Variants in RAP1GAP2 observed in about 807,000 individuals in gnomAD.
The protein encoded by RAP1GAP2 is RAP1 GTPase activating protein 2, also known as rap1 GTPase-activating protein 2.
RAP1GAP2 carries 27 observed loss-of-function variants against 95.0 expected under a neutral mutation model. The ratio of observed to expected loss-of-function variants is 0.28; its 90% CI spans 0.21 to 0.39. The LOEUF is 0.39. Ranked by LOEUF, RAP1GAP2 falls within the 10% of genes least tolerant of loss-of-function variation. The probability of loss-of-function intolerance (pLI) is 1.00; values close to 1 mark genes in which losing one functional copy is unlikely to be tolerated. For synonymous variants in RAP1GAP2, 373 were observed against 380.9 expected, an observed-to-expected ratio of 0.98 and a Z score of 0.24; for missense variants, 771 against 970.0, an observed-to-expected ratio of 0.79 and a Z score of 2.72.
rs1386163988 is a variant in RAP1GAP2 at position 2,866,648 on chromosome 17, G to A, written c.81-38636G>A. Among the ~76,000 whole-genome samples, 2 of 152,086 alleles carry A rather than the reference G, an allele frequency of 1.3e-5. No individual in the cohort carries two copies. Among genetic ancestry groups the A allele is most frequent in the Admixed American group, 1.3e-4 (2 of 15,252 alleles). ...CAGCATCTCCCTCTGTCGCCAGGCT[G>A]GAGTGCAGTGGTGCGATCTCGGCTC... On this transcript the variant is annotated intron_variant, in intron 2 of 24. Coordinates refer to ENST00000254695, the MANE Select transcript of RAP1GAP2 (RefSeq NM_015085.5). The surrounding 1 kb of genome is among the most constrained non-coding windows in gnomAD (Gnocchi z 4.0).
chr17:2,815,073 C>T (rs1031133135), intron 2 of RAP1GAP2, among the ~76,000 whole-genome samples: 7 of 152,156 alleles, frequency 4.6e-5, no homozygotes, highest in East Asian at 1.9e-4. Flanking sequence ...CCTAGGGGAC[C>T]TCGTTAAAAT....
intron 2 of RAP1GAP2, among the ~76,000 whole-genome samples, chr17:2,889,889 A>ATATATTTTTT (rs1408426152): frequency 0.019 from 1,064 of 56,890 alleles, 27 homozygotes; most frequent in East Asian, 0.032. Context: ...ATATATATAT[A>ATATATTTTTT]TTTTTTTTTT....
intron 1 of RAP1GAP2, chr17:2,800,136 C>T (rs758797844): frequency 9.6e-5 from 93 of 970,252 alleles, no homozygotes; most frequent in Admixed American, 1.9e-4. Flanking sequence ...CCCCTGAAGC[C>T]GGGTTGCTGG....
intron 2 of RAP1GAP2, among the ~76,000 whole-genome samples, chr17:2,859,992 C>T (rs921934047): frequency 1.3e-5 from 2 of 150,656 alleles, no homozygotes; most frequent in Admixed American, 6.6e-5. Context: ...CTTTTTGCGA[C>T]GTTAGTCATT....
At chr17:2,921,882 C>T (rs997062390) in intron 3 of RAP1GAP2, among the ~76,000 whole-genome samples, 5 of 152,230 alleles carry the variant, frequency 3.3e-5, no homozygotes, top group Non-Finnish European at 7.3e-5. Context: ...GTCTTCTTCA[C>T]ATGTCTCCCT....
intron 2 of RAP1GAP2, among the ~76,000 whole-genome samples, chr17:2,853,574 A>G (rs1260287679): frequency 6.7e-6 from 1 of 148,260 alleles, no homozygotes; most frequent in Non-Finnish European, 1.5e-5. Context: ...GGGTCCCGGG[A>G]GCGCTGTCCG....
chr17:2,802,543 C>G (rs1406648740), intron 2 of RAP1GAP2, among the ~76,000 whole-genome samples: 1 of 152,106 alleles, frequency 6.6e-6, no homozygotes, highest in African/African-American at 2.4e-5. Context: ...AACCCTATCT[C>G]TGCTAAAAAT....
intron 3 of RAP1GAP2, among the ~76,000 whole-genome samples, chr17:2,950,365 A>T (rs983315001): frequency 3.9e-5 from 6 of 152,032 alleles, no homozygotes; most frequent in Admixed American, 3.9e-4. Flanking sequence ...CTCATTTCTA[A>T]CAGTCTTCTA....
chr17:2,823,558 C>T lies in RAP1GAP2; in HGVS notation c.80+23008C>T, dbSNP rs191066875. On this transcript the variant is annotated intron_variant, in intron 2 of 24. Transcript: ENST00000254695. The stretch of plus-strand genomic sequence containing the variant: ...TCTCTGCAGTGGAGGTGGTCCTGGA[C>T]GCATGGCGTAACGTGGGCTCTCTGG... Among the ~76,000 whole-genome samples, 171 of 152,312 alleles carry T rather than the reference C, an allele frequency of 1.1e-3. 5 individuals are homozygous for T. The East Asian group carries it at 0.024, about 21-fold the overall frequency.
At chr17:2,882,338 G>C (rs6502605) in intron 2 of RAP1GAP2, among the ~76,000 whole-genome samples, 109,714 of 148,886 alleles carry the variant, frequency 0.74, 41,038 homozygotes, top group Non-Finnish European at 0.79. Context: ...GTCCCCCAGG[G>C]TGGAGTGCAG....
chr17:2,895,867 C>T (rs114474595), intron 2 of RAP1GAP2, among the ~76,000 whole-genome samples: 3,523 of 152,206 alleles, frequency 0.023, 96 homozygotes, highest in African/African-American at 0.065. Context: ...TGTGAGCCAC[C>T]GCGCCCGGCC....
chr17:2,918,471 C>CA (rs1312705996), intron 3 of RAP1GAP2, among the ~76,000 whole-genome samples: 2 of 150,888 alleles, frequency 1.3e-5, no homozygotes, highest in African/African-American at 4.9e-5. Flanking sequence ...TTAACTGGCT[C>CA]ACAGTTCTGT....
chr17:2,755,724 G>C (rs2071126266), exon 1 of RAP1GAP2: 1 of 337,048 alleles, frequency 3.0e-6, no homozygotes, highest in South Asian at 1.4e-4. Context: ...AGGCATGGCG[G>C]GCCGCCGGGC....
At chr17:2,798,880 G>A (rs565253029) in intron 1 of RAP1GAP2, among the ~76,000 whole-genome samples, 24 of 152,282 alleles carry the variant, frequency 1.6e-4, no homozygotes, top group African/African-American at 5.5e-4. Context: ...TGCGGTGGGC[G>A]GGGCTGACCC....
intron 2 of RAP1GAP2, among the ~76,000 whole-genome samples, chr17:2,856,039 G>T (rs913650750): frequency 6.6e-6 from 1 of 152,240 alleles, no homozygotes; most frequent in African/African-American, 2.4e-5. Context: ...AGAAGAAGCT[G>T]CCATGGGAAC....
chr17:2,968,003 G>T (rs552501498), intron 8 of RAP1GAP2, among the ~76,000 whole-genome samples: 2 of 152,158 alleles, frequency 1.3e-5, no homozygotes, highest in African/African-American at 2.4e-5. Flanking sequence ...TAAAGAAGAA[G>T]AAGTTTTATG....
At chr17:2,977,619 C>T (rs894253104) in intron 8 of RAP1GAP2, among the ~76,000 whole-genome samples, 2 of 151,922 alleles carry the variant, frequency 1.3e-5, no homozygotes, top group Admixed American at 6.6e-5. Flanking sequence ...GTGGCGCATG[C>T]CTGTAATCCC....
At chr17:2,775,631 G>T (rs1205768641), upstream of RAP1GAP2, among the ~76,000 whole-genome samples, 1 of 152,142 alleles carries the variant, frequency 6.6e-6, no homozygotes, top group East Asian at 1.9e-4. Context: ...ACAGACAGAA[G>T]CGAAAACTTC....
chr17:3,019,372 G>A (rs1252871508), intron 18 of RAP1GAP2, among the ~76,000 whole-genome samples: 1 of 152,100 alleles, frequency 6.6e-6, no homozygotes, highest in Non-Finnish European at 1.5e-5. Context: ...AATTAGCTGA[G>A]CATGGTGGCA....
Sources: allele counts gnomAD v4.1 joint callset (sites outside exome capture counted in the v4.1 genomes callset), GRCh38; gene constraint gnomAD v4.1.1; non-coding constraint Gnocchi (gnomAD v3.1); transcripts MANE v1.5; gene names NCBI Gene and HGNC (gene_info 2026-07-23, HGNC 2026-07-21).